Variants in RARB observed in about 807,000 individuals in gnomAD.
RARB encodes the protein retinoic acid receptor beta, also known as HBV-activated protein.
A neutral mutation model predicts 51.9 loss-of-function variants in RARB; 17 were observed. The observed-to-expected ratio is 0.33, with a 90% CI of 0.22 to 0.49. The LOEUF is 0.49. Among genes scored for constraint, RARB ranks in the 20% least tolerant of loss-of-function variants. RARB has a pLI of 0.99. For synonymous variants in RARB, 215 were observed against 195.4 expected (o/e 1.10, Z -0.84); for missense variants, 369 against 550.8 (o/e 0.67, Z 3.30).
intron 2 of RARB, among the ~76,000 whole-genome samples, chr3:24,929,513 A>G (rs952210123): frequency 6.6e-6 from 1 of 152,128 alleles, no homozygotes; most frequent in Non-Finnish European, 1.5e-5. Flanking sequence ...TTCTACCTAA[A>G]AATGTTTTTA....
At chr3:25,201,374 A>G (rs1021962198) in intron 5 of RARB, among the ~76,000 whole-genome samples, 1 of 152,196 alleles carries the variant, frequency 6.6e-6, no homozygotes, top group African/African-American at 2.4e-5. Flanking sequence ...TGTCATCTGC[A>G]AACAGGGACA....
intron 2 of RARB, among the ~76,000 whole-genome samples, chr3:24,959,611 A>AG (rs1473681936): frequency 2.0e-5 from 3 of 152,218 alleles, no homozygotes; most frequent in Non-Finnish European, 4.4e-5. Flanking sequence ...TCCAGGCTTG[A>AG]GGGTGTGGCC....
intron 3 of RARB, among the ~76,000 whole-genome samples, chr3:25,509,176 T>C (rs756812826): frequency 5.3e-5 from 8 of 152,228 alleles, no homozygotes; most frequent in Non-Finnish European, 1.2e-4. Flanking sequence ...CCCTCGCCTC[T>C]AGCTATCTCA....
intron 5 of RARB, among the ~76,000 whole-genome samples, chr3:25,332,650 A>T (rs1704936621): frequency 6.6e-6 from 1 of 152,204 alleles, no homozygotes. Flanking sequence ...ACTCCTATTC[A>T]GCATAGTGCT....
At chr3:24,869,665 C>T (rs1702910945) in intron 2 of RARB, among the ~76,000 whole-genome samples, 1 of 152,086 alleles carries the variant, frequency 6.6e-6, no homozygotes, top group African/African-American at 2.4e-5. Flanking sequence ...CTTCATCATA[C>T]AGACATAGCG....
intron 3 of RARB, among the ~76,000 whole-genome samples, chr3:25,103,218 G>T (rs1165695071): frequency 6.6e-6 from 1 of 152,150 alleles, no homozygotes; most frequent in Admixed American, 6.5e-5. Context: ...TTGGCCAATG[G>T]TTGACTTTAT....
intron 5 of RARB, among the ~76,000 whole-genome samples, chr3:25,392,966 C>G (rs144877776): frequency 2.2e-4 from 34 of 152,180 alleles, no homozygotes; most frequent in African/African-American, 7.9e-4. Context: ...TGTCTTCTTC[C>G]AGTTCTCAAG....
chr3:25,338,526 ACT>A (rs1239216462), intron 5 of RARB, among the ~76,000 whole-genome samples: 3 of 151,976 alleles, frequency 2.0e-5, no homozygotes, highest in Admixed American at 6.6e-5. Flanking sequence ...AATCATTTAC[ACT>A]CTCTAGTTAC....
chr3:24,920,230 A>G (rs1006546968), intron 2 of RARB, among the ~76,000 whole-genome samples: 3 of 152,234 alleles, frequency 2.0e-5, no homozygotes, highest in Non-Finnish European at 2.9e-5. Flanking sequence ...GTCCTTAAAA[A>G]TAGTCCACCT....
In RARB at chr3:25,523,570, T is replaced by C. The variant is rs555709132; in HGVS notation, c.448+22247T>C. ...GGGGAGTGCCCTTATTACCATAGCATGCTATTCTTTGGAGAGGGGTTTTTC... is the reference window on the plus strand; with the variant it reads ...GGGGAGTGCCCTTATTACCATAGCACGCTATTCTTTGGAGAGGGGTTTTTC... On this transcript the variant is annotated intron_variant, in intron 3 of 7. Coordinates refer to ENST00000330688, the MANE Select transcript of RARB (RefSeq NM_000965.5). Among the ~76,000 whole-genome samples the C allele has an allele frequency of 5.3e-5, 8 of 152,328 alleles. No individual in the cohort carries two copies. The East Asian group carries it at 1.5e-3, about 29-fold the overall frequency.
intron 2 of RARB, among the ~76,000 whole-genome samples, chr3:24,902,200 T>C (rs542251714): frequency 1.3e-5 from 2 of 152,330 alleles, no homozygotes; most frequent in Non-Finnish European, 2.9e-5. Context: ...ATCTAGAATT[T>C]GACCACAGAC....
intron 5 of RARB, among the ~76,000 whole-genome samples, chr3:25,271,744 A>G (rs1464896292): frequency 6.6e-6 from 1 of 152,238 alleles, no homozygotes; most frequent in Non-Finnish European, 1.5e-5. Context: ...AGAAAACCAA[A>G]TACACTAAAG....
chr3:25,041,423 C>G (rs940452360), intron 2 of RARB, among the ~76,000 whole-genome samples: 3 of 151,784 alleles, frequency 2.0e-5, no homozygotes, highest in Admixed American at 2.0e-4. Flanking sequence ...GTAGATCTGA[C>G]TTTCAAATAA....
At chr3:25,007,120 A>G (rs1297492906) in intron 2 of RARB, among the ~76,000 whole-genome samples, 1 of 152,234 alleles carries the variant, frequency 6.6e-6, no homozygotes, top group Admixed American at 6.5e-5. Flanking sequence ...TGCCAAACCC[A>G]AAAGATACAA....
intron 2 of RARB, among the ~76,000 whole-genome samples, chr3:25,469,427 G>GCAGTATT (rs1695589179): frequency 6.6e-6 from 1 of 152,172 alleles, no homozygotes; most frequent in African/African-American, 2.4e-5. Context: ...GGGGTTTGCT[G>GCAGTATT]CAGTATTGAT....
chr3:24,839,986 C>CA (rs765674201), intron 1 of RARB, among the ~76,000 whole-genome samples: 6 of 152,126 alleles, frequency 3.9e-5, no homozygotes, highest in Non-Finnish European at 8.8e-5. Flanking sequence ...GCTGAGAGCA[C>CA]AGCTCTATGA....
intron 2 of RARB, among the ~76,000 whole-genome samples, chr3:24,933,300 T>A (rs1424691424): frequency 1.3e-5 from 2 of 152,012 alleles, no homozygotes; most frequent in Admixed American, 1.3e-4. Context: ...TTTACAGATC[T>A]TCATGAAAAT....
intron 1 of RARB, among the ~76,000 whole-genome samples, chr3:25,443,398 C>T (rs1708784293): frequency 7.0e-6 from 1 of 143,540 alleles, no homozygotes; most frequent in Admixed American, 7.0e-5. Context: ...CATTATTGCT[C>T]CCCCTTGTCC....
chr3:24,847,350 T>TATA (rs1702497682), intron 1 of RARB, among the ~76,000 whole-genome samples: 2 of 152,316 alleles, frequency 1.3e-5, no homozygotes, highest in South Asian at 4.1e-4. Context: ...CAAAATGCAC[T>TATA]CCTTGGACTG....
Sources: gnomAD v4.1 joint callset for allele counts (sites outside exome capture counted in the v4.1 genomes callset) on GRCh38, gnomAD v4.1.1 for gene constraint, MANE v1.5 for transcripts, NCBI Gene and HGNC (gene_info 2026-07-23, HGNC 2026-07-21) for gene names.